Variants in AP1G1 observed in about 807,000 individuals in gnomAD.
AP1G1 encodes the protein adaptor related protein complex 1 subunit gamma 1.
Under a neutral mutation model 108.3 loss-of-function variants are expected in AP1G1, and 7 were observed. The ratio of observed to expected loss-of-function variants is 0.06; its 90% confidence interval spans 0.04 to 0.12. AP1G1 has a LOEUF of 0.12. AP1G1 is among the 10% of genes least tolerant of loss of function. The probability of loss-of-function intolerance (pLI) is 1.00; values close to 1 mark genes in which losing one functional copy is unlikely to be tolerated. For missense variants in AP1G1, 756 were observed against 1,010.7 expected, an observed-to-expected ratio of 0.75 and a Z score of 3.42; for synonymous variants, 379 against 353.5, an observed-to-expected ratio of 1.07 and a Z score of -0.81.
chr16:71,797,239 C>CATGA (rs2142272067), intron 1 of AP1G1, among the ~76,000 whole-genome samples: 1 of 152,008 alleles, frequency 6.6e-6, no homozygotes, highest in South Asian at 2.1e-4. Context: ...GGCTTAAAGA[C>CATGA]ATGACCCAAA....
Position 71,745,501 on chromosome 16 carries a change from G to A in AP1G1, c.1844C>T (p.Pro615Leu), listed in dbSNP as rs1443146220. 6.8e-6 allele frequency: 11 copies of A among 1,614,030 alleles called. No homozygotes were observed. The highest frequency in any genetic ancestry group is 9.3e-6 in the Non-Finnish European group (11 of 1,180,014). The change falls in exon 18 of 23, where the codon CCA becomes CTA. Residue 615 changes from proline (P) to leucine (L), a missense_variant. Coordinates refer to ENST00000299980, the MANE Select transcript of AP1G1 (RefSeq NM_001128.6). The part of the protein sequence containing the change: ...TEPAPLETKP[P>L]PSGPQPTSQA... ...GCTGGTGGGCTGTGGCCCAGAGGGT[G>A]GCGGTTTGGTCTCTAGTGGAGCTGG... is the stretch of plus-strand genomic sequence containing the variant.
Position 71,789,408 on chromosome 16 carries a change from T to A in AP1G1, c.72A>T (p.Arg24=), listed in dbSNP as rs1259211508. The A allele has an allele frequency of 1.9e-6, 3 of 1,614,106 alleles. No individual in the cohort carries two copies. The highest frequency in any genetic ancestry group is 1.7e-5 in the Admixed American group (1 of 60,000). Residue 24 remains arginine, a synonymous_variant, in exon 2 of 23, where the codon CGA becomes CGT. Transcript: ENST00000299980. ...IRTARTQAEE[R]EMIQKECAAI... ...CAGCACATTCTTTCTGGATCATTTC[T>A]CGTTCTTCAGCTTGGGTTCGGGCTG...
intron 21 of AP1G1, among the ~76,000 whole-genome samples, chr16:71,737,174 CA>C (rs2045560768): frequency 6.6e-6 from 1 of 152,170 alleles, no homozygotes; most frequent in Non-Finnish European, 1.5e-5. Flanking sequence ...GACACTGAGG[CA>C]TAGAGGTTCA....
At chr16:71,789,573 T>C in intron 1 of AP1G1, 91 bp from the exon 2 acceptor site, 1 of 1,346,460 alleles carries the variant, frequency 7.4e-7, no homozygotes, top group South Asian at 1.3e-5. Flanking sequence ...TTGACTAGTT[T>C]TTAAGAATTC....
chr16:71,750,627 G>A (rs908834937), intron 13 of AP1G1: 1 of 282,416 alleles, frequency 3.5e-6, no homozygotes, highest in Non-Finnish European at 6.8e-6. Flanking sequence ...TGTTGGTCAG[G>A]GTGGTCTCGA....
At chr16:71,761,408 G>T in intron 10 of AP1G1, 104 bp downstream of exon 10, 3 of 845,636 alleles carry the variant, frequency 3.5e-6, no homozygotes, top group Non-Finnish European at 5.8e-6. Context: ...TGAGCTAAAA[G>T]TTCTAAATAT....
At chr16:71,738,322 G>T (rs2045575692) in intron 21 of AP1G1, among the ~76,000 whole-genome samples, 1 of 151,578 alleles carries the variant, frequency 6.6e-6, no homozygotes, top group South Asian at 2.1e-4. Context: ...GCCTCCCAAA[G>T]TACTGGGATT....
chr16:71,808,645 C>G, intron 1 of AP1G1, 118 bp downstream of exon 1: 4 of 1,289,768 alleles, frequency 3.1e-6, no homozygotes, highest in Non-Finnish European at 4.0e-6. Flanking sequence ...CTTCTCTTCT[C>G]AACACCCACA....
chr16:71,738,111 A>T (rs1429755790), intron 21 of AP1G1, among the ~76,000 whole-genome samples: 1 of 152,166 alleles, frequency 6.6e-6, no homozygotes, highest in African/African-American at 2.4e-5. Context: ...GCAGTGGCAT[A>T]ATCTGAGCTC....
Position 71,765,097 on chromosome 16 carries a change from T to G in AP1G1, c.739-371A>C, listed in dbSNP as rs1013037056. On this transcript the variant is annotated intron_variant, in intron 7 of 22. Coordinates refer to ENST00000299980, the MANE Select transcript of AP1G1 (RefSeq NM_001128.6). ...GGCTCTTGCCTGTAATCCCAGTACT[T>G]TGAGAGGCTGAGGGGGGCGGGCTAC... Among the ~76,000 whole-genome samples, 3 of 152,166 alleles carry G rather than the reference T, an allele frequency of 2.0e-5. No individual in the cohort carries two copies. The South Asian group carries it at 6.2e-4, about 31-fold the overall frequency.
chr16:71,764,593 T>C, intron 8 of AP1G1, 53 bp downstream of exon 8: 1 of 1,402,340 alleles, frequency 7.1e-7, no homozygotes, highest in Non-Finnish European at 9.7e-7. Context: ...ATAATCATTC[T>C]ACTCCCAGCG....
chr16:71,740,597 C>T (rs1204213228), intron 19 of AP1G1, among the ~76,000 whole-genome samples: 1 of 152,116 alleles, frequency 6.6e-6, no homozygotes, highest in African/African-American at 2.4e-5. Context: ...TAGAAATACA[C>T]TTAACATGGA....
intron 1 of AP1G1, among the ~76,000 whole-genome samples, chr16:71,796,508 A>G (rs1286272245): frequency 6.6e-6 from 1 of 152,208 alleles, no homozygotes; most frequent in Non-Finnish European, 1.5e-5. Context: ...ATTCAGGAGA[A>G]AAGCATATCC....
intron 15 of AP1G1, among the ~76,000 whole-genome samples, chr16:71,748,941 C>T (rs1394109935): frequency 1.3e-5 from 2 of 151,850 alleles, no homozygotes; most frequent in Non-Finnish European, 2.9e-5. Context: ...GAGTCTGGCT[C>T]TGTCACCCAG....
Position 71,748,900 on chromosome 16 carries a change from GT to G in AP1G1, c.1498-523del, listed in dbSNP as rs550768305. On this transcript the variant is annotated intron_variant, in intron 15 of 22. Transcript: ENST00000299980. ...AGGCAAAGTGGCTCACACCTGTTTTGTTTTTTTTTTGTTTTTTTTGTTTTGA... is the reference window on the plus strand; with the variant it reads ...AGGCAAAGTGGCTCACACCTGTTTTGTTTTTTTTTGTTTTTTTTGTTTTGA... Among the ~76,000 whole-genome samples, 15 of 146,890 alleles carry G rather than the reference GT, an allele frequency of 1.0e-4. 1 individual carries two copies. Among genetic ancestry groups the G allele is most frequent in the Admixed American group, 4.1e-4 (6 of 14,742 alleles).
rs2032689050 is a variant in AP1G1, at chr16:71,798,989, A to AT, written c.-3-9508_-3-9507insA. On this transcript the variant is annotated intron_variant, in intron 1 of 22. Coordinates refer to ENST00000299980, the MANE Select transcript of AP1G1 (RefSeq NM_001128.6). ...AGCGCTCCTACAGGAGGAAAAAAAA[A>AT]GAGAAAGAAAAATGAAGCAAGGACA... Among the ~76,000 whole-genome samples the AT allele has an allele frequency of 2.6e-5, 4 of 152,174 alleles. No homozygotes were observed. The South Asian group carries it at 8.3e-4, about 31-fold the overall frequency.
chr16:71,787,008 G>A (rs1311952031), intron 2 of AP1G1, among the ~76,000 whole-genome samples: 1 of 151,330 alleles, frequency 6.6e-6, no homozygotes, highest in Non-Finnish European at 1.5e-5. Flanking sequence ...CTGGGCAACA[G>A]AGTGAGATCC....
intron 12 of AP1G1, 55 bp from the exon 13 acceptor site, chr16:71,753,942 G>C: frequency 6.5e-7 from 1 of 1,543,992 alleles, no homozygotes; most frequent in Non-Finnish European, 8.9e-7. Context: ...ACCGTTTTCA[G>C]TGACTAGAAA....
At chr16:71,808,243 T>C in intron 1 of AP1G1, 5 of 1,069,648 alleles carry the variant, frequency 4.7e-6, no homozygotes, top group Non-Finnish European at 4.6e-6. Flanking sequence ...GGAAAGAAGT[T>C]GGTCGGAAGG....
Sources: gnomAD v4.1 joint callset for allele counts (sites outside exome capture counted in the v4.1 genomes callset) on GRCh38, gnomAD v4.1.1 for gene constraint, MANE v1.5 for transcripts, NCBI Gene and HGNC (gene_info 2026-07-23, HGNC 2026-07-21) for gene names.